Variants in PIEZO2 observed in about 807,000 individuals in gnomAD.
The protein encoded by PIEZO2 is piezo-type mechanosensitive ion channel component 2.
In PIEZO2, 172 loss-of-function variants were observed where a neutral mutation model predicts 337.3. The observed-to-expected ratio is 0.51, with a 90% confidence interval of 0.45 to 0.58. PIEZO2 has a LOEUF of 0.58. Among genes scored for constraint, PIEZO2 ranks in the 20% least tolerant of loss-of-function variants. The pLI is 0.00. For synonymous variants in PIEZO2, 1,251 were observed against 1,228.5 expected (o/e 1.02, Z -0.38); for missense variants, 3,028 against 3,391.3 (o/e 0.89, Z 2.66).
rs1184679155 is a variant in PIEZO2 at position 10,762,531 on chromosome 18, C to T, written c.3218G>A (p.Arg1073Gln). ...PIDPTEWVGL[R>Q]KSSPLLVYLR... Reference sequence around the variant, plus strand: ...GTAGACTAGCAGAGGCGAAGACTTCCGCAGGCCGACCCACTCTGTAGGATC... The same window carrying T: ...GTAGACTAGCAGAGGCGAAGACTTCTGCAGGCCGACCCACTCTGTAGGATC... Residue 1073 changes from arginine (R) to glutamine (Q), a missense_variant, in exon 23 of 56, where the codon CGG becomes CAG. This residue lies in a region of PIEZO2 where 1,925 missense variants were observed against 2,051.9 expected (regional missense o/e 0.94). Coordinates refer to ENST00000674853, the MANE Select transcript of PIEZO2 (RefSeq NM_001378183.1). 17 of 1,537,252 alleles carry T rather than the reference C, an allele frequency of 1.1e-5. No homozygotes were observed. Among genetic ancestry groups the T allele is most frequent in the East Asian group, 2.4e-5 (1 of 40,916 alleles).
At chr18:11,136,391 T>C (rs1319568124) in intron 1 of PIEZO2, among the ~76,000 whole-genome samples, 1 of 152,234 alleles carries the variant, frequency 6.6e-6, no homozygotes, top group African/African-American at 2.4e-5. Context: ...TTTATGAGGA[T>C]CCCTCTTCTC....
At position 10,789,287 on chromosome 18, in the gene PIEZO2, T is replaced by A. The variant is rs2039332861; in HGVS notation, c.1961A>T (p.Glu654Val). 1 of 1,537,276 alleles carries A rather than the reference T, an allele frequency of 6.5e-7. No homozygotes were observed. Among genetic ancestry groups the A allele is most frequent in the Non-Finnish European group, 8.7e-7 (1 of 1,146,942 alleles). ...TTCCTCTTGCTCTACCTTCTTTCTCTCTTGCTTCTCTTCCTTCGCTTCCTC... is the reference window on the plus strand; with the variant it reads ...TTCCTCTTGCTCTACCTTCTTTCTCACTTGCTTCTCTTCCTTCGCTTCCTC... ...EEEEAKEEKQERKKVEQEEAE... is the reference protein window; with the variant it reads ...EEEEAKEEKQVRKKVEQEEAE... Residue 654 changes from glutamate (E) to valine (V), a missense_variant, in exon 15 of 56, where the codon GAG becomes GTG. Coordinates refer to ENST00000674853, the MANE Select transcript of PIEZO2 (RefSeq NM_001378183.1).
intron 2 of PIEZO2, among the ~76,000 whole-genome samples, chr18:11,057,311 A>C (rs1349585690): frequency 1.3e-5 from 2 of 152,152 alleles, no homozygotes; most frequent in African/African-American, 4.8e-5. Flanking sequence ...TTCTCTTTTT[A>C]AAAAGCTTAG....
rs375721417 is a variant in PIEZO2, at chr18:10,789,365, T to A, written c.1883A>T (p.Asp628Val). The A allele has an allele frequency of 9.1e-6, 14 of 1,533,982 alleles. No individual in the cohort carries two copies. The African/African-American group carries it at 1.4e-4, about 15-fold the overall frequency. ...KIGSQENEEKDEELQDIQVEG... is the reference protein window; with the variant it reads ...KIGSQENEEKVEELQDIQVEG... The stretch of plus-strand genomic sequence containing the variant: ...CACTTGTATATCTTGAAGTTCCTCA[T>A]CTTCAAATAGAAAACTGTGCTGTTA... The change falls in exon 15 of 56, where the codon GAT becomes GTT. Residue 628 changes from aspartate to valine, a missense_variant and splice_region_variant. This residue lies in a region of PIEZO2 where 1,925 missense variants were observed against 2,051.9 expected (regional missense o/e 0.94). Coordinates refer to ENST00000674853, the MANE Select transcript of PIEZO2 (RefSeq NM_001378183.1).
Position 10,847,177 on chromosome 18 carries a change from T to C in PIEZO2, c.917+8176A>G, listed in dbSNP as rs1478516600. 6.6e-6 allele frequency among the ~76,000 whole-genome samples: 1 copy of C among 152,188 alleles called. No individual in the cohort carries two copies. The highest frequency in any genetic ancestry group is 1.5e-5 in the Non-Finnish European group (1 of 68,030). ...TAGCAGAATCCTCTTAGTGTGGTAT[T>C]ATTAAATCAGTGGAACCCATGTGAT... On this transcript the variant is annotated intron_variant, in intron 7 of 55. Coordinates refer to ENST00000674853, the MANE Select transcript of PIEZO2 (RefSeq NM_001378183.1). This position sits in a 1 kb window ranked among gnomAD's most constrained non-coding sequence, Gnocchi z 5.7.
intron 7 of PIEZO2, among the ~76,000 whole-genome samples, chr18:10,827,960 TA>T (rs1169464876): frequency 6.6e-6 from 1 of 152,092 alleles, no homozygotes; most frequent in African/African-American, 2.4e-5. Flanking sequence ...GTGCAAAACA[TA>T]AAAAAACTAT....
chr18:10,887,906 A>G lies in PIEZO2; in HGVS notation c.330-16491T>C, dbSNP rs764037267. On this transcript the variant is annotated intron_variant, in intron 4 of 55. Transcript: ENST00000674853. ...GAGGCACAAGTCCCCAGCTCATCCCACCGTGATCACCTAGTCGAATTGGCG... is the reference window on the plus strand; with the variant it reads ...GAGGCACAAGTCCCCAGCTCATCCCGCCGTGATCACCTAGTCGAATTGGCG... Among the ~76,000 whole-genome samples the G allele has an allele frequency of 7.2e-5, 11 of 152,108 alleles. 1 individual carries two copies. The highest frequency in any genetic ancestry group is 1.5e-4 in the Non-Finnish European group (10 of 68,018).
chr18:10,715,961 G>T (rs1036322167), intron 37 of PIEZO2, 145 bp from the exon 38 acceptor site: 4 of 663,168 alleles, frequency 6.0e-6, no homozygotes, highest in Admixed American at 3.0e-5. Context: ...TACTCATGAC[G>T]CACGGAGGAG....
intron 4 of PIEZO2, among the ~76,000 whole-genome samples, chr18:10,889,604 A>C (rs11080465): frequency 6.6e-6 from 1 of 152,190 alleles, no homozygotes; most frequent in African/African-American, 2.4e-5. Context: ...GATTGTCCCC[A>C]AAATCCCAAC....
chr18:10,762,923 A>G lies in PIEZO2; in HGVS notation c.3122T>C (p.Leu1041Ser), dbSNP rs1218767117. The change falls in exon 22 of 56, where the codon TTG becomes TCG. Residue 1041 changes from leucine (L) to serine (S), a missense_variant and splice_region_variant. This residue lies in a region of PIEZO2 where 1,925 missense variants were observed against 2,051.9 expected (regional missense o/e 0.94). Transcript: ENST00000674853. ...KPENFSVNCS[L>S]PNENQTNIPF... ...TATTCCCCCATCACCGAGGCTCACC[A>G]AGGAACAGTTAACAGAGAAGTTCTC... 1.8e-5 allele frequency: 27 copies of G among 1,536,662 alleles called. No individual in the cohort carries two copies. Among genetic ancestry groups the G allele is most frequent in the Non-Finnish European group, 2.3e-5 (26 of 1,146,708 alleles).
chr18:10,704,843 C>T (rs1164958044), intron 41 of PIEZO2, among the ~76,000 whole-genome samples, 191 bp from the exon 42 acceptor site: 2 of 152,068 alleles, frequency 1.3e-5, no homozygotes, highest in Non-Finnish European at 1.5e-5. Flanking sequence ...TGCCACCACA[C>T]CCAGCTAATT....
chr18:11,043,026 A>T (rs924901201), intron 2 of PIEZO2, among the ~76,000 whole-genome samples: 5 of 152,242 alleles, frequency 3.3e-5, no homozygotes, highest in Non-Finnish European at 7.3e-5. Context: ...TACTCCAGAT[A>T]CAAGTCTAAT....
At chr18:10,928,705 A>G (rs2031902949) in intron 3 of PIEZO2, among the ~76,000 whole-genome samples, 2 of 152,238 alleles carry the variant, frequency 1.3e-5, no homozygotes, top group Admixed American at 6.5e-5. Flanking sequence ...TAACATTATA[A>G]TAGCCAAAAG....
rs148098501 is a variant in PIEZO2 at position 10,861,415 on chromosome 18, A to G, written c.493-4204T>C. Among the ~76,000 whole-genome samples, 11 of 152,368 alleles carry G rather than the reference A, an allele frequency of 7.2e-5. No homozygotes were observed. The East Asian group carries it at 1.9e-3, about 27-fold the overall frequency. On this transcript the variant is annotated intron_variant, in intron 5 of 55. Coordinates refer to ENST00000674853, the MANE Select transcript of PIEZO2 (RefSeq NM_001378183.1). The surrounding 1 kb of genome is among the most constrained non-coding windows in gnomAD (Gnocchi z 4.3). ...AAGTCCTTTATCTCACCTCTTTAAA[A>G]GTTTATGATTTTAACAGGAAATCTT...
intron 49 of PIEZO2, among the ~76,000 whole-genome samples, chr18:10,688,158 C>T (rs1490603029): frequency 2.0e-5 from 3 of 151,966 alleles, no homozygotes; most frequent in African/African-American, 4.8e-5. Flanking sequence ...CCTCCCCTTG[C>T]CCCCTACCCC....
Position 10,696,451 on chromosome 18 carries a change from T to C in PIEZO2, c.6916A>G (p.Met2306Val), listed in dbSNP as rs919386841. The C allele has an allele frequency of 6.2e-7, 1 of 1,614,192 alleles. No individual in the cohort carries two copies. The change falls in exon 46 of 56, where the codon ATG becomes GTG. Residue 2306 changes from methionine to valine, a missense_variant. Transcript: ENST00000674853. ...AAGTCCACAGTGTCAGCCAGGAACA[T>C]GAGTACATACACGTCAGTCACGGCG... is the stretch of plus-strand genomic sequence containing the variant. The part of the protein sequence containing the change: ...YSAVTDVYVL[M>V]FLADTVDFII...
At position 10,822,474 on chromosome 18, in the gene PIEZO2, A is replaced by G. The variant is rs114760993; in HGVS notation, c.918-15200T>C. ...GAGAAAACACTGAAACAAACTTCCT[A>G]TTATGTCTTAGAGGCCCTGACACTT... On this transcript the variant is annotated intron_variant, in intron 7 of 55. Transcript: ENST00000674853. Among the ~76,000 whole-genome samples the G allele has an allele frequency of 9.2e-3, 1,407 of 152,232 alleles. 27 individuals are homozygous for G. Among genetic ancestry groups the G allele is most frequent in the African/African-American group, 0.03 (1,249 of 41,558 alleles).
At chr18:11,066,091 A>G (rs1419460545) in intron 2 of PIEZO2, 36 bp downstream of exon 2, 2 of 1,465,780 alleles carry the variant, frequency 1.4e-6, no homozygotes, top group Non-Finnish European at 9.2e-7. Context: ...TTCAGACTGT[A>G]TAACTCTGTG....
intron 3 of PIEZO2, among the ~76,000 whole-genome samples, chr18:10,919,081 A>G (rs1021515273): frequency 3.9e-5 from 6 of 152,022 alleles, no homozygotes; most frequent in African/African-American, 1.4e-4. Context: ...TTTTTTATAA[A>G]TCTTTTTTAT....
Sources: gnomAD v4.1 joint callset for allele counts (sites outside exome capture counted in the v4.1 genomes callset) on GRCh38, gnomAD v4.1.1 for gene constraint, gnomAD v4.1.1 regional missense constraint, Gnocchi (gnomAD v3.1) non-coding constraint, MANE v1.5 for transcripts, NCBI Gene and HGNC (gene_info 2026-07-23, HGNC 2026-07-21) for gene names.